The following MPHOSPH9 variants were observed in gnomAD, a reference collection of about 807,000 sequenced individuals.
MPHOSPH9 encodes M-phase phosphoprotein 9.
MPHOSPH9 carries 88 observed loss-of-function variants against 145.5 expected under a neutral mutation model. The observed-to-expected ratio is 0.60, with a 90% CI of 0.51 to 0.72. The LOEUF is 0.72. Among genes scored for constraint, MPHOSPH9 ranks in the 30% least tolerant of loss-of-function variants. The pLI, the probability that MPHOSPH9 is intolerant of heterozygous loss-of-function variation, is 0.00. For missense variants in MPHOSPH9, 1,238 were observed against 1,386.6 expected, an observed-to-expected ratio of 0.89 and a Z score of 1.70; for synonymous variants, 435 against 486.2, an observed-to-expected ratio of 0.89 and a Z score of 1.39.
At chr12:123,217,288 C>T (rs945135052) in intron 6 of MPHOSPH9, among the ~76,000 whole-genome samples, 4 of 151,912 alleles carry the variant, frequency 2.6e-5, no homozygotes, top group African/African-American at 7.3e-5. Context: ...ACCTCTGTCT[C>T]CCCAGTTCAA....
At chr12:123,225,565 G>C in intron 3 of MPHOSPH9, among the ~76,000 whole-genome samples, 1 of 145,394 alleles carries the variant, frequency 6.9e-6, no homozygotes, top group Non-Finnish European at 1.5e-5. Context: ...GGAGGGGAGA[G>C]GAGAGGTGGG....
chr12:123,227,302 T>C (rs1380946418), intron 3 of MPHOSPH9, among the ~76,000 whole-genome samples, 161 bp downstream of exon 3: 1 of 152,192 alleles, frequency 6.6e-6, no homozygotes, highest in East Asian at 1.9e-4. Flanking sequence ...TTTTTCCCAT[T>C]CATTCAATAT....
chr12:123,174,912 C>T (rs2044760857), intron 16 of MPHOSPH9, among the ~76,000 whole-genome samples: 1 of 152,026 alleles, frequency 6.6e-6, no homozygotes, highest in Admixed American at 6.6e-5. Flanking sequence ...AATTCACAAC[C>T]ATATCCTATA....
intron 8 of MPHOSPH9, among the ~76,000 whole-genome samples, chr12:123,209,204 A>G (rs2046586365): frequency 6.6e-6 from 1 of 152,118 alleles, no homozygotes; most frequent in Admixed American, 6.6e-5. Context: ...AAGTGCTGGG[A>G]TTACAGGCTT....
intron 1 of MPHOSPH9, among the ~76,000 whole-genome samples, chr12:123,238,490 G>C (rs895609600): frequency 2.8e-4 from 43 of 152,250 alleles, no homozygotes; most frequent in African/African-American, 1.0e-3. Context: ...TAAGAAACAT[G>C]CTGGGCATGG....
chr12:123,236,603 AAAAG>A (rs1172704013), upstream of MPHOSPH9, among the ~76,000 whole-genome samples: 7 of 152,186 alleles, frequency 4.6e-5, no homozygotes, highest in East Asian at 7.7e-4. Flanking sequence ...AAAAAAAAAA[AAAAG>A]AAGAAGAAAC....
At chr12:123,180,994 G>T (rs2045108307) in intron 14 of MPHOSPH9, among the ~76,000 whole-genome samples, 169 bp downstream of exon 14, 1 of 152,078 alleles carries the variant, frequency 6.6e-6, no homozygotes, top group Non-Finnish European at 1.5e-5. Context: ...AGTTAAATGG[G>T]GCAGGTATTT....
At chr12:123,187,494 T>G (rs540413378) in intron 13 of MPHOSPH9, among the ~76,000 whole-genome samples, 4 of 152,066 alleles carry the variant, frequency 2.6e-5, no homozygotes, top group African/African-American at 9.6e-5. Flanking sequence ...GAAAGCAGAG[T>G]GGCATGCTGA....
At chr12:123,195,975 C>A (rs1042781055) in intron 12 of MPHOSPH9, among the ~76,000 whole-genome samples, 1 of 151,400 alleles carries the variant, frequency 6.6e-6, no homozygotes, top group Non-Finnish European at 1.5e-5. Flanking sequence ...GTTGAGACTG[C>A]AGTAAGCCAT....
chr12:123,242,789 CG>C (rs1163380969), intron 1 of MPHOSPH9, among the ~76,000 whole-genome samples: 3 of 152,166 alleles, frequency 2.0e-5, no homozygotes, highest in Admixed American at 2.0e-4. Context: ...CTGGGAGTCT[CG>C]CCTTGCCTTG....
In MPHOSPH9 at chr12:123,168,410, C is replaced by G. The variant is rs914478527; in HGVS notation, c.2457-1621G>C. ...AGGCTGGAGTACGGTGGCGTGATCT[C>G]GGCTCACTGCAAGCTCCGCCTCCCA... On this transcript the variant is annotated intron_variant, in intron 16 of 23. Transcript: ENST00000606320. Among the ~76,000 whole-genome samples the G allele has an allele frequency of 9.9e-4, 148 of 149,678 alleles. 2 individuals are homozygous for G. Among genetic ancestry groups the G allele is most frequent in the Middle Eastern group, 3.5e-3 (1 of 288 alleles).
At chr12:123,217,824 A>G (rs1293460259) in intron 6 of MPHOSPH9, among the ~76,000 whole-genome samples, 1 of 151,864 alleles carries the variant, frequency 6.6e-6, no homozygotes, top group African/African-American at 2.4e-5. Flanking sequence ...TGGGTGGATC[A>G]CCTGAGGTCA....
intron 1 of MPHOSPH9, among the ~76,000 whole-genome samples, chr12:123,238,645 C>T (rs186599578): frequency 6.6e-6 from 1 of 152,244 alleles, no homozygotes; most frequent in Admixed American, 6.5e-5. Context: ...TTAAAAGTGT[C>T]TGTCCTAGCA....
intron 13 of MPHOSPH9, among the ~76,000 whole-genome samples, chr12:123,183,340 G>C (rs1270280722): frequency 6.6e-6 from 1 of 151,862 alleles, no homozygotes; most frequent in African/African-American, 2.4e-5. Flanking sequence ...CTGAGGTCAG[G>C]AGTTCAAGAC....
At chr12:123,185,262 A>T (rs1003700424) in intron 13 of MPHOSPH9, among the ~76,000 whole-genome samples, 1 of 152,148 alleles carries the variant, frequency 6.6e-6, no homozygotes, top group Non-Finnish European at 1.5e-5. Context: ...AAATAACAAC[A>T]TTAGATTCAA....
At chr12:123,197,682 T>C (rs1483018041) in intron 12 of MPHOSPH9, among the ~76,000 whole-genome samples, 2 of 151,126 alleles carry the variant, frequency 1.3e-5, no homozygotes, top group African/African-American at 4.9e-5. Context: ...CTAGGGAGGC[T>C]GAGGCAGGAG....
At chr12:123,169,357 G>T (rs1300603269) in intron 16 of MPHOSPH9, among the ~76,000 whole-genome samples, 1 of 151,560 alleles carries the variant, frequency 6.6e-6, no homozygotes, top group Non-Finnish European at 1.5e-5. Flanking sequence ...AAATTAGCCA[G>T]GTGTGGTGAC....
At chr12:123,201,674 TGATC>T in intron 11 of MPHOSPH9, among the ~76,000 whole-genome samples, 2 of 152,248 alleles carry the variant, frequency 1.3e-5, no homozygotes, top group South Asian at 4.1e-4. Flanking sequence ...CCACCATGCC[TGATC>T]AAGTCCCGTT....
chr12:123,162,092 T>C (rs1479902441), intron 21 of MPHOSPH9, 23 bp downstream of exon 21: 3 of 1,392,656 alleles, frequency 2.2e-6, no homozygotes, highest in African/African-American at 2.9e-5. Flanking sequence ...AAACCATAAC[T>C]AATATTTTTT....
Sources: gnomAD v4.1 joint callset for allele counts (sites outside exome capture counted in the v4.1 genomes callset) on GRCh38, gnomAD v4.1.1 for gene constraint, MANE v1.5 for transcripts, NCBI Gene and HGNC (gene_info 2026-07-23, HGNC 2026-07-21) for gene names.